The following ADCY8 variants were observed in gnomAD, a reference collection of about 807,000 sequenced individuals.
ADCY8 encodes adenylate cyclase 8.
In ADCY8, 51 loss-of-function variants were observed where a neutral mutation model predicts 119.7. The observed-to-expected ratio is 0.43, with a 90% CI of 0.34 to 0.54. ADCY8 has a LOEUF of 0.54. Among genes scored for constraint, ADCY8 ranks in the 20% least tolerant of loss-of-function variants. ADCY8 has a pLI of 0.03. For synonymous variants in ADCY8, 665 were observed against 651.0 expected, an observed-to-expected ratio of 1.02 and a Z score of -0.33; for missense variants, 1,383 against 1,598.8, an observed-to-expected ratio of 0.87 and a Z score of 2.30.
intron 11 of ADCY8, among the ~76,000 whole-genome samples, chr8:130,843,998 A>G (rs756250317): frequency 3.9e-5 from 6 of 152,168 alleles, no homozygotes; most frequent in Non-Finnish European, 7.4e-5. Context: ...TAAATGGAGA[A>G]GAAAGGGAAG....
At chr8:130,837,238 A>G (rs1817017066) in intron 11 of ADCY8, among the ~76,000 whole-genome samples, 1 of 152,148 alleles carries the variant, frequency 6.6e-6, no homozygotes, top group Admixed American at 6.5e-5. Flanking sequence ...AAGTTCTTTC[A>G]TGGCTCTCCA....
intron 15 of ADCY8, among the ~76,000 whole-genome samples, chr8:130,799,934 TC>T (rs34976647): frequency 0.44 from 67,372 of 151,822 alleles, 15,836 homozygotes; most frequent in African/African-American, 0.61. Context: ...CGTGAGCATT[TC>T]CCCCCACAGA....
intron 6 of ADCY8, among the ~76,000 whole-genome samples, chr8:130,907,022 C>G (rs952852068): frequency 2.0e-5 from 3 of 152,078 alleles, no homozygotes; most frequent in African/African-American, 7.2e-5. Context: ...CAGCGTCTCT[C>G]TACCACCCTG....
chr8:130,882,002 A>AG (rs898482172), intron 8 of ADCY8, among the ~76,000 whole-genome samples: 6 of 151,986 alleles, frequency 3.9e-5, no homozygotes, highest in African/African-American at 1.5e-4. Context: ...CCCTTGTCTA[A>AG]GGGGGTTGTC....
At chr8:130,802,254 T>C (rs192211212) in intron 14 of ADCY8, among the ~76,000 whole-genome samples, 14 of 152,332 alleles carry the variant, frequency 9.2e-5, no homozygotes, top group Admixed American at 5.2e-4. Flanking sequence ...TCATCCTGAC[T>C]CCTTCCCCAT....
intron 11 of ADCY8, among the ~76,000 whole-genome samples, chr8:130,841,954 C>G (rs1328688071): frequency 6.6e-6 from 1 of 152,124 alleles, no homozygotes; most frequent in Non-Finnish European, 1.5e-5. Flanking sequence ...GAATGTCGAG[C>G]AAGGAGGGCA....
intron 11 of ADCY8, 91 bp from the exon 12 acceptor site, chr8:130,836,540 CAG>C (rs1816993982): frequency 1.5e-6 from 2 of 1,374,352 alleles, no homozygotes; most frequent in African/African-American, 2.9e-5. Flanking sequence ...CACACATTTG[CAG>C]AGAGTTTCCA....
chr8:131,014,610 A>G (rs1823411998), intron 1 of ADCY8, among the ~76,000 whole-genome samples: 1 of 152,198 alleles, frequency 6.6e-6, no homozygotes, highest in Non-Finnish European at 1.5e-5. Context: ...AAGCCTCACC[A>G]TAGTGCTTGC....
At chr8:131,017,489 A>G (rs1411941043) in intron 1 of ADCY8, among the ~76,000 whole-genome samples, 1 of 152,192 alleles carries the variant, frequency 6.6e-6, no homozygotes, top group Non-Finnish European at 1.5e-5. Flanking sequence ...TGGCTTGTGA[A>G]TTTAAGTACA....
At chr8:130,808,408 G>A (rs1816047475) in intron 14 of ADCY8, among the ~76,000 whole-genome samples, 1 of 152,186 alleles carries the variant, frequency 6.6e-6, no homozygotes, top group Non-Finnish European at 1.5e-5. Context: ...AACAACCAGT[G>A]TGCGTTTAAA....
In ADCY8 at chr8:130,787,863, T is replaced by C. The variant is rs1436707928; in HGVS notation, c.3061-2388A>G. ...GCATTTGTGTGTAGTCATGCACATA[T>C]ATGTACATATGTGTGTGGTGTTTAT... is the stretch of plus-strand genomic sequence containing the variant. On this transcript the variant is annotated intron_variant, in intron 15 of 17. Transcript: ENST00000286355. Among the ~76,000 whole-genome samples the C allele has an allele frequency of 4.6e-5, 7 of 152,158 alleles. No homozygotes were observed. The South Asian group carries it at 1.5e-3, about 32-fold the overall frequency.
intron 15 of ADCY8, among the ~76,000 whole-genome samples, chr8:130,787,931 G>A (rs146980982): frequency 3.9e-5 from 6 of 152,274 alleles, no homozygotes; most frequent in South Asian, 4.1e-4. Flanking sequence ...GTTTGTGTTC[G>A]GGGCAGTCAG....
intron 2 of ADCY8, among the ~76,000 whole-genome samples, chr8:130,960,538 A>G (rs971243774): frequency 6.6e-6 from 1 of 152,148 alleles, no homozygotes; most frequent in South Asian, 2.1e-4. Flanking sequence ...GCACAGAGCA[A>G]GAGGGTTTCT....
In ADCY8 at chr8:130,882,435, C is replaced by T. The variant is rs537093383; in HGVS notation, c.2109+2129G>A. Among the ~76,000 whole-genome samples, 7 of 152,204 alleles carry T rather than the reference C, an allele frequency of 4.6e-5. No homozygotes were observed. The South Asian group carries it at 1.5e-3, about 32-fold the overall frequency. On this transcript the variant is annotated intron_variant, in intron 8 of 17. Coordinates refer to ENST00000286355, the MANE Select transcript of ADCY8 (RefSeq NM_001115.3). ...CTCTCCTGTAAACTCCCTCTCTGTG[C>T]CTCCCACTGCATCCAAAGTTTGACA...
intron 12 of ADCY8, among the ~76,000 whole-genome samples, chr8:130,824,995 A>G (rs1816630271): frequency 6.6e-6 from 1 of 151,970 alleles, no homozygotes; most frequent in South Asian, 2.1e-4. Context: ...AATTACCCCA[A>G]CTTCTCATTG....
At chr8:130,960,260 A>C (rs2130680705) in intron 2 of ADCY8, among the ~76,000 whole-genome samples, 1 of 152,232 alleles carries the variant, frequency 6.6e-6, no homozygotes, top group Non-Finnish European at 1.5e-5. Context: ...TAGACTTCCC[A>C]TAGGCAGGTA....
intron 7 of ADCY8, 66 bp downstream of exon 7, chr8:130,903,706 G>T (rs1011964804): frequency 1.9e-6 from 3 of 1,558,580 alleles, no homozygotes; most frequent in African/African-American, 2.7e-5. Context: ...TCTCTGAGGT[G>T]TCTGGATTGG....
chr8:131,022,853 C>T (rs1563771921), intron 1 of ADCY8, among the ~76,000 whole-genome samples: 1 of 151,964 alleles, frequency 6.6e-6, no homozygotes, highest in Non-Finnish European at 1.5e-5. Context: ...TGACTGCTTC[C>T]CTCAAGTCTA....
At chr8:131,028,465 C>A (rs1054615700) in intron 1 of ADCY8, among the ~76,000 whole-genome samples, 1 of 152,100 alleles carries the variant, frequency 6.6e-6, no homozygotes. Flanking sequence ...GAAGGCTCAC[C>A]CGATGAATGA....
Sources: allele counts gnomAD v4.1 joint callset (sites outside exome capture counted in the v4.1 genomes callset), GRCh38; gene constraint gnomAD v4.1.1; transcripts MANE v1.5; gene names NCBI Gene and HGNC (gene_info 2026-07-23, HGNC 2026-07-21).